The following CNTNAP2 variants were observed in gnomAD, a reference collection of about 807,000 sequenced individuals.
CNTNAP2 encodes contactin associated protein 2.
Under a neutral mutation model 155.2 loss-of-function variants are expected in CNTNAP2, and 98 were observed. The ratio of observed to expected loss-of-function variants is 0.63; its 90% CI spans 0.54 to 0.75. The LOEUF (loss-of-function observed/expected upper bound fraction) is 0.75, where lower values mean the gene tolerates loss of function less well. CNTNAP2 is among the 30% of genes least tolerant of loss of function. The pLI is 0.00. For missense variants in CNTNAP2, 1,727 were observed against 1,688.1 expected (o/e 1.02, Z -0.40); for synonymous variants, 651 against 631.2 (o/e 1.03, Z -0.47).
chr7:147,176,016 G>T (rs940077462), intron 8 of CNTNAP2, among the ~76,000 whole-genome samples: 1 of 152,106 alleles, frequency 6.6e-6, no homozygotes, highest in African/African-American at 2.4e-5. Flanking sequence ...CATTTTGTGT[G>T]TCCCTACTTT....
In CNTNAP2 at chr7:147,663,824, C is replaced by G. The variant is rs113627174; in HGVS notation, c.2098+24518C>G. ...GTAGTCCAGCAAATTAATATATCCA[C>G]CACCTAATATTTAGCTTTTAAAGCC... On this transcript the variant is annotated intron_variant, in intron 13 of 23. Transcript: ENST00000361727. 6.0e-3 allele frequency among the ~76,000 whole-genome samples: 912 copies of G among 152,248 alleles called. 8 individuals carry two copies. Among genetic ancestry groups the G allele is most frequent in the African/African-American group, 0.02 (849 of 41,540 alleles).
At chr7:148,123,512 C>T (rs1177009690) in intron 16 of CNTNAP2, among the ~76,000 whole-genome samples, 1 of 151,866 alleles carries the variant, frequency 6.6e-6, no homozygotes, top group African/African-American at 2.4e-5. Flanking sequence ...CAGGAGAATC[C>T]CTCGAGCCCA....
intron 1 of CNTNAP2, among the ~76,000 whole-genome samples, chr7:146,263,456 G>A (rs748485220): frequency 5.3e-5 from 8 of 152,044 alleles, no homozygotes; most frequent in East Asian, 1.9e-4. Context: ...AAAGAAAATC[G>A]TAGAAAAATA....
At chr7:146,923,237 T>C (rs1796539783) in intron 3 of CNTNAP2, among the ~76,000 whole-genome samples, 1 of 152,304 alleles carries the variant, frequency 6.6e-6, no homozygotes, top group East Asian at 1.9e-4. Flanking sequence ...TGTCAAGGTT[T>C]AGGAAATACA....
chr7:146,905,558 A>C (rs1796102963), intron 3 of CNTNAP2, among the ~76,000 whole-genome samples: 1 of 152,102 alleles, frequency 6.6e-6, no homozygotes, highest in Admixed American at 6.5e-5. Flanking sequence ...AATTTAGAAA[A>C]TATTTTGATC....
At chr7:147,150,256 A>G (rs990761751) in intron 8 of CNTNAP2, among the ~76,000 whole-genome samples, 4 of 152,210 alleles carry the variant, frequency 2.6e-5, no homozygotes, top group African/African-American at 9.7e-5. Flanking sequence ...TTCCAAGCCA[A>G]GCCTCCAGGA....
At chr7:146,540,160 G>A (rs886333939) in intron 1 of CNTNAP2, among the ~76,000 whole-genome samples, 1 of 152,096 alleles carries the variant, frequency 6.6e-6, no homozygotes, top group Non-Finnish European at 1.5e-5. Context: ...AATCTTGACA[G>A]CTAAGCTGTT....
intron 3 of CNTNAP2, among the ~76,000 whole-genome samples, chr7:146,904,787 A>C (rs1796085412): frequency 6.6e-6 from 1 of 152,104 alleles, no homozygotes; most frequent in Admixed American, 6.6e-5. Flanking sequence ...TCATCTTTTG[A>C]GCATGGGGCT....
At chr7:147,718,207 G>T (rs951136036) in intron 13 of CNTNAP2, among the ~76,000 whole-genome samples, 1 of 152,056 alleles carries the variant, frequency 6.6e-6, no homozygotes, top group African/African-American at 2.4e-5. Flanking sequence ...ATGGAATGCT[G>T]CCTCAAATAC....
At chr7:146,436,203 G>A (rs2129118185) in intron 1 of CNTNAP2, among the ~76,000 whole-genome samples, 1 of 152,174 alleles carries the variant, frequency 6.6e-6, no homozygotes, top group Admixed American at 6.5e-5. Context: ...ATAATACTTT[G>A]GAGATTTTAT....
chr7:148,283,171 G>A (rs1373095287), intron 21 of CNTNAP2, among the ~76,000 whole-genome samples: 3 of 149,638 alleles, frequency 2.0e-5, no homozygotes, highest in Non-Finnish European at 4.4e-5. Context: ...CCCAGGAGGT[G>A]GAGTTGCAGT....
At chr7:146,875,419 C>T (rs1475959767) in intron 3 of CNTNAP2, among the ~76,000 whole-genome samples, 1 of 152,142 alleles carries the variant, frequency 6.6e-6, no homozygotes. Context: ...TTAGAGCATT[C>T]CCTTTAGAAA....
chr7:148,339,826 C>T (rs1421096608), intron 21 of CNTNAP2, among the ~76,000 whole-genome samples: 1 of 152,128 alleles, frequency 6.6e-6, no homozygotes, highest in African/African-American at 2.4e-5. Context: ...GATTCTTGAT[C>T]TTCTCTCTGC....
chr7:147,620,248 A>T (rs1432682537), intron 12 of CNTNAP2, among the ~76,000 whole-genome samples: 1 of 152,194 alleles, frequency 6.6e-6, no homozygotes, highest in African/African-American at 2.4e-5. Flanking sequence ...TACAATAAAT[A>T]TCTAGCTTTT....
intron 13 of CNTNAP2, among the ~76,000 whole-genome samples, chr7:147,749,252 G>T (rs1797095638): frequency 6.6e-6 from 1 of 152,060 alleles, no homozygotes; most frequent in South Asian, 2.1e-4. Flanking sequence ...TTAAAATATT[G>T]AGAACATTTT....
intron 8 of CNTNAP2, among the ~76,000 whole-genome samples, chr7:147,289,002 T>C (rs530358801): frequency 2.2e-4 from 34 of 152,174 alleles, no homozygotes; most frequent in Non-Finnish European, 4.1e-4. Context: ...AGGTACCTCA[T>C]ATACATTATG....
intron 12 of CNTNAP2, among the ~76,000 whole-genome samples, chr7:147,633,057 C>G (rs28896833): frequency 4.6e-5 from 7 of 152,158 alleles, no homozygotes; most frequent in African/African-American, 1.7e-4. Context: ...GAAATTTGCA[C>G]AAGCAGCCCA....
At chr7:147,118,108 T>C (rs1426193914) in intron 5 of CNTNAP2, among the ~76,000 whole-genome samples, 2 of 152,134 alleles carry the variant, frequency 1.3e-5, no homozygotes, top group Non-Finnish European at 2.9e-5. Context: ...AAAAATATTA[T>C]ATAAACACCC....
intron 1 of CNTNAP2, among the ~76,000 whole-genome samples, chr7:146,653,407 T>C (rs192939217): frequency 2.0e-5 from 3 of 152,318 alleles, no homozygotes; most frequent in Admixed American, 2.0e-4. Flanking sequence ...TCATGGTCAC[T>C]GCCTTCATGG....
Sources: allele counts gnomAD v4.1 joint callset (sites outside exome capture counted in the v4.1 genomes callset), GRCh38; gene constraint gnomAD v4.1.1; transcripts MANE v1.5; gene names NCBI Gene and HGNC (gene_info 2026-07-23, HGNC 2026-07-21).